The following ZFAT variants were observed in gnomAD, a reference collection of about 807,000 sequenced individuals.
The protein encoded by ZFAT is zinc finger and AT-hook domain containing.
ZFAT carries 64 observed loss-of-function variants against 117.7 expected under a neutral mutation model. The ratio of observed to expected loss-of-function variants is 0.54; its 90% CI spans 0.44 to 0.67. The LOEUF (loss-of-function observed/expected upper bound fraction) is 0.67. Ranked by LOEUF, ZFAT falls within the 30% of genes least tolerant of loss-of-function variation. The pLI, the probability that ZFAT is intolerant of heterozygous loss-of-function variation, is 0.00. For synonymous variants in ZFAT, 679 were observed against 615.0 expected (o/e 1.10, Z -1.54); for missense variants, 1,433 against 1,584.5 (o/e 0.90, Z 1.62).
intron 15 of ZFAT, among the ~76,000 whole-genome samples, chr8:134,488,487 G>T (rs1817812800): frequency 6.6e-6 from 1 of 152,170 alleles, no homozygotes; most frequent in African/African-American, 2.4e-5. Flanking sequence ...TAAGAGATGG[G>T]CCATTTGTTG....
the ZFAT span, chr8:134,794,308 T>C: frequency 6.6e-6 from 1 of 152,270 alleles, no homozygotes; most frequent in African/African-American, 2.4e-5. Context: ...AAAACAAGTT[T>C]GCCACCTTTT....
chr8:134,574,907 AACTG>A (rs2130811217), intron 10 of ZFAT, among the ~76,000 whole-genome samples: 1 of 152,128 alleles, frequency 6.6e-6, no homozygotes, highest in African/African-American at 2.4e-5. Flanking sequence ...TTTTTCAGAA[AACTG>A]ACTTTTACCC....
chr8:134,642,150 A>G (rs1339273947), intron 2 of ZFAT, among the ~76,000 whole-genome samples: 3 of 152,238 alleles, frequency 2.0e-5, no homozygotes, highest in African/African-American at 7.2e-5. Flanking sequence ...GGCTTGGCGC[A>G]TCTTCCAGAA....
chr8:134,593,557 G>A (rs60609173), intron 7 of ZFAT, among the ~76,000 whole-genome samples: 4,994 of 152,212 alleles, frequency 0.033, 143 homozygotes, highest in African/African-American at 0.081. Flanking sequence ...TTGCTCTGAC[G>A]GAAATGGCCT....
At chr8:134,641,663 G>A (rs1036049872) in intron 2 of ZFAT, among the ~76,000 whole-genome samples, 7 of 152,192 alleles carry the variant, frequency 4.6e-5, no homozygotes, top group Non-Finnish European at 1.0e-4. Context: ...ACAGGGTCTC[G>A]AACGGAGCTG....
At chr8:134,665,019 T>G (rs1832138710) in intron 1 of ZFAT, among the ~76,000 whole-genome samples, 1 of 152,224 alleles carries the variant, frequency 6.6e-6, no homozygotes, top group Admixed American at 6.5e-5. Flanking sequence ...TAATAAGTCC[T>G]CATTTCTGAT....
chr8:134,561,733 G>A (rs185615271), intron 11 of ZFAT, among the ~76,000 whole-genome samples: 1 of 152,280 alleles, frequency 6.6e-6, no homozygotes, highest in African/African-American at 2.4e-5. Context: ...GCATCTGTGT[G>A]AGGATGTTGA....
intron 2 of ZFAT, among the ~76,000 whole-genome samples, chr8:134,651,618 T>C (rs1327489302): frequency 6.6e-6 from 1 of 152,058 alleles, no homozygotes; most frequent in Admixed American, 6.6e-5. Flanking sequence ...ATACGCAGAA[T>C]GCAGCACAAG....
At chr8:134,604,482 A>T (rs1005039043) in intron 5 of ZFAT, among the ~76,000 whole-genome samples, 1 of 152,226 alleles carries the variant, frequency 6.6e-6, no homozygotes, top group Non-Finnish European at 1.5e-5. Context: ...CCAAAGTACC[A>T]CAATAGGCAC....
chr8:134,780,803 C>T, the ZFAT span, among the ~76,000 whole-genome samples: 3 of 152,158 alleles, frequency 2.0e-5, no homozygotes, highest in Non-Finnish European at 2.9e-5. Flanking sequence ...CTTCTCTCAT[C>T]CCTTAATAAA....
chr8:134,662,862 G>C (rs1346566249), intron 1 of ZFAT, among the ~76,000 whole-genome samples: 1 of 152,272 alleles, frequency 6.6e-6, no homozygotes, highest in Non-Finnish European at 1.5e-5. Flanking sequence ...TAGCCTGCAA[G>C]GCAGCCTCTT....
intron 1 of ZFAT, among the ~76,000 whole-genome samples, chr8:134,665,354 G>T (rs1374629032): frequency 6.6e-6 from 1 of 152,170 alleles, no homozygotes; most frequent in Non-Finnish European, 1.5e-5. Flanking sequence ...GGTCAGTTGG[G>T]CCTTGAGCTG....
chr8:134,608,941 C>CGCA, intron 4 of ZFAT, 62 bp from the exon 5 acceptor site: 1 of 1,545,962 alleles, frequency 6.5e-7, no homozygotes, highest in Non-Finnish European at 8.7e-7. Context: ...CTGACCCCAT[C>CGCA]GCAGCAGAGG....
chr8:134,559,327 A>G (rs577713563), intron 11 of ZFAT, among the ~76,000 whole-genome samples: 81 of 152,288 alleles, frequency 5.3e-4, no homozygotes, highest in African/African-American at 1.9e-3. Flanking sequence ...CCCTTTTTTA[A>G]TCTTACTTTT....
chr8:134,614,012 A>G (rs1412447350), intron 3 of ZFAT, among the ~76,000 whole-genome samples: 2 of 152,212 alleles, frequency 1.3e-5, no homozygotes, highest in African/African-American at 4.8e-5. Flanking sequence ...GTTTTTAACC[A>G]GTGTCTCTGC....
the ZFAT span, among the ~76,000 whole-genome samples, chr8:134,754,551 C>G: frequency 6.6e-6 from 1 of 152,238 alleles, no homozygotes; most frequent in Non-Finnish European, 1.5e-5. Flanking sequence ...CAAGCATTCC[C>G]TCAAACAGAT....
chr8:134,659,134 T>C (rs1305088747), intron 1 of ZFAT, among the ~76,000 whole-genome samples: 3 of 152,222 alleles, frequency 2.0e-5, no homozygotes, highest in Non-Finnish European at 4.4e-5. Context: ...GACAAATACA[T>C]GGCAATCATA....
At chr8:134,598,417 T>C (rs1429201550) in intron 7 of ZFAT, 2 of 152,094 alleles carry the variant, frequency 1.3e-5, no homozygotes, top group East Asian at 1.9e-4. Flanking sequence ...AAGATAACCA[T>C]AGAAAGTTGA....
At chr8:134,800,098 G>A in the ZFAT span, among the ~76,000 whole-genome samples, 2 of 152,122 alleles carry the variant, frequency 1.3e-5, no homozygotes, top group African/African-American at 2.4e-5. Context: ...GCCCATGCTT[G>A]TTAAAGCACA....
Sources: allele counts gnomAD v4.1 joint callset (sites outside exome capture counted in the v4.1 genomes callset), GRCh38; gene constraint gnomAD v4.1.1; transcripts MANE v1.5; gene names NCBI Gene and HGNC (gene_info 2026-07-23, HGNC 2026-07-21).